TNFSF4: variants seen among roughly 807,000 people sequenced by gnomAD.
TNFSF4 encodes TNF superfamily member 4.
A neutral mutation model predicts 7.3 loss-of-function variants in TNFSF4; 4 were observed. That is an observed-to-expected ratio of 0.55 (90% CI 0.27 to 1.25). TNFSF4 has a LOEUF of 1.25. TNFSF4 is among the 50% of genes most tolerant of loss of function. TNFSF4 has a pLI of 0.12. For missense variants in TNFSF4, 181 were observed against 208.8 expected, an observed-to-expected ratio of 0.87 and a Z score of 0.82; for synonymous variants, 76 against 83.7, an observed-to-expected ratio of 0.91 and a Z score of 0.50.
intron 1 of TNFSF4, among the ~76,000 whole-genome samples, chr1:173,203,323 T>G (rs922387483): frequency 6.6e-6 from 1 of 152,186 alleles, no homozygotes; most frequent in Non-Finnish European, 1.5e-5. Flanking sequence ...AATACCTCCT[T>G]TAGAAGCCTC....
At chr1:173,174,160 C>G in the TNFSF4 span, 1 of 152,202 alleles carries the variant, frequency 6.6e-6, no homozygotes, top group East Asian at 1.9e-4. Context: ...CTTTGCATAG[C>G]AAGAGTGACC....
chr1:173,264,317 CTTTT>C, the TNFSF4 span, among the ~76,000 whole-genome samples: 1 of 110,518 alleles, frequency 9.0e-6, no homozygotes, highest in South Asian at 3.1e-4. Context: ...CTGGCTTCTT[CTTTT>C]TTTTTTTTTT....
At chr1:173,226,620 A>C in the TNFSF4 span, among the ~76,000 whole-genome samples, 5 of 152,182 alleles carry the variant, frequency 3.3e-5, no homozygotes, top group Non-Finnish European at 5.9e-5. Context: ...ACAGTTAGAG[A>C]GACAATTAAA....
At chr1:173,244,872 T>G in the TNFSF4 span, among the ~76,000 whole-genome samples, 6 of 152,110 alleles carry the variant, frequency 3.9e-5, no homozygotes, top group Non-Finnish European at 7.4e-5. Flanking sequence ...AAATGCATGC[T>G]TATAGAGTGT....
At chr1:173,368,986 A>G in the TNFSF4 span, among the ~76,000 whole-genome samples, 2 of 152,208 alleles carry the variant, frequency 1.3e-5, no homozygotes, top group African/African-American at 4.8e-5. Context: ...TAAGAAAGAT[A>G]TAATTATTGC....
At chr1:173,400,517 C>A in the TNFSF4 span, among the ~76,000 whole-genome samples, 4 of 152,180 alleles carry the variant, frequency 2.6e-5, no homozygotes, top group Non-Finnish European at 4.4e-5. Flanking sequence ...AATGCTTCAA[C>A]CAGGAGACAA....
At chr1:173,435,561 A>G in the TNFSF4 span, among the ~76,000 whole-genome samples, 1 of 152,254 alleles carries the variant, frequency 6.6e-6, no homozygotes, top group Non-Finnish European at 1.5e-5. Context: ...TAACTGGCCA[A>G]TACCTTGATC....
chr1:173,389,886 CTTTG>C, the TNFSF4 span, among the ~76,000 whole-genome samples: 1 of 152,014 alleles, frequency 6.6e-6, no homozygotes, highest in African/African-American at 2.4e-5. Flanking sequence ...ATTTGTTGAG[CTTTG>C]TTTCTCTTTT....
chr1:173,219,134 T>A, the TNFSF4 span, among the ~76,000 whole-genome samples: 1 of 152,234 alleles, frequency 6.6e-6, no homozygotes, highest in South Asian at 2.1e-4. Context: ...AAGGCTGTAG[T>A]AGCTGATACA....
chr1:173,238,483 G>A, the TNFSF4 span, among the ~76,000 whole-genome samples: 1 of 149,214 alleles, frequency 6.7e-6, no homozygotes, highest in Non-Finnish European at 1.5e-5. Flanking sequence ...TACAGAATGG[G>A]AGATAAATAT....
chr1:173,360,780 G>T, the TNFSF4 span, among the ~76,000 whole-genome samples: 40 of 152,290 alleles, frequency 2.6e-4, no homozygotes, highest in African/African-American at 9.4e-4. Context: ...AGAAATTAGG[G>T]GGTGGAAGGG....
the TNFSF4 span, among the ~76,000 whole-genome samples, chr1:173,354,464 G>C: frequency 5.0e-5 from 3 of 60,350 alleles, no homozygotes; most frequent in Non-Finnish European, 1.0e-4. Context: ...AAATTGAAAA[G>C]GAGGGACTCC....
At chr1:173,206,637 T>A (rs1388752062) in intron 1 of TNFSF4, among the ~76,000 whole-genome samples, 1 of 152,224 alleles carries the variant, frequency 6.6e-6, no homozygotes, top group Non-Finnish European at 1.5e-5. Flanking sequence ...GTGGAACTGG[T>A]CTCTTTCCTA....
At chr1:173,273,867 T>C in the TNFSF4 span, among the ~76,000 whole-genome samples, 3 of 152,082 alleles carry the variant, frequency 2.0e-5, no homozygotes, top group African/African-American at 7.2e-5. Flanking sequence ...TTATGGATAA[T>C]TGTATTTGCT....
chr1:173,208,817 G>A (rs1373036058), upstream of TNFSF4, among the ~76,000 whole-genome samples: 7 of 147,826 alleles, frequency 4.7e-5, no homozygotes, highest in African/African-American at 7.5e-5. Flanking sequence ...CTATTTACTC[G>A]TCAATTTTCA....
At chr1:173,444,340 T>C in the TNFSF4 span, among the ~76,000 whole-genome samples, 1 of 152,102 alleles carries the variant, frequency 6.6e-6, no homozygotes, top group African/African-American at 2.4e-5. Context: ...TACTTCTAGA[T>C]GGTAGGATGA....
the TNFSF4 span, among the ~76,000 whole-genome samples, chr1:173,431,591 G>A: frequency 2.0e-5 from 3 of 152,262 alleles, no homozygotes; most frequent in African/African-American, 7.2e-5. Context: ...TCCCCCAGGG[G>A]AAAGGCTGGC....
chr1:173,393,493 C>A, the TNFSF4 span, among the ~76,000 whole-genome samples: 8 of 152,166 alleles, frequency 5.3e-5, no homozygotes, highest in Admixed American at 5.2e-4. Flanking sequence ...GATCCATGTA[C>A]CCCCATGGTA....
chr1:173,426,421 A>G, the TNFSF4 span, among the ~76,000 whole-genome samples: 1 of 152,184 alleles, frequency 6.6e-6, no homozygotes, highest in African/African-American at 2.4e-5. Flanking sequence ...TCAAAATGCC[A>G]TACTTAGGAG....
Sources: allele counts gnomAD v4.1 joint callset (sites outside exome capture counted in the v4.1 genomes callset), GRCh38; gene constraint gnomAD v4.1.1; transcripts MANE v1.5; gene names NCBI Gene and HGNC (gene_info 2026-07-23, HGNC 2026-07-21).